Variants in INPP4B observed in about 807,000 individuals in gnomAD.
The protein encoded by INPP4B is inositol polyphosphate 4-phosphatase type II.
Under a neutral mutation model 122.5 loss-of-function variants are expected in INPP4B, and 55 were observed. The observed-to-expected ratio is 0.45, with a 90% CI of 0.36 to 0.56. The LOEUF (loss-of-function observed/expected upper bound fraction) is 0.56. INPP4B is among the 20% of genes least tolerant of loss of function. The pLI, the probability that INPP4B is intolerant of heterozygous loss-of-function variation, is 0.00. For synonymous variants in INPP4B, 403 were observed against 388.7 expected, an observed-to-expected ratio of 1.04 and a Z score of -0.43; for missense variants, 1,000 against 1,097.7, an observed-to-expected ratio of 0.91 and a Z score of 1.26.
At chr4:142,153,885 G>T (rs1447149094) in intron 17 of INPP4B, among the ~76,000 whole-genome samples, 3 of 152,142 alleles carry the variant, frequency 2.0e-5, no homozygotes, top group Non-Finnish European at 2.9e-5. Context: ...TTCACCTGGG[G>T]TTTCTTTTCT....
At chr4:142,247,332 C>A (rs2150129438) in intron 11 of INPP4B, among the ~76,000 whole-genome samples, 1 of 152,192 alleles carries the variant, frequency 6.6e-6, no homozygotes, top group South Asian at 2.1e-4. Flanking sequence ...GAGGAGTCCT[C>A]TTTTTCTATT....
intron 2 of INPP4B, among the ~76,000 whole-genome samples, chr4:142,716,388 G>A (rs903882855): frequency 2.0e-5 from 3 of 152,042 alleles, no homozygotes; most frequent in Non-Finnish European, 4.4e-5. Context: ...TGATACTATC[G>A]CATCTTTCTA....
At chr4:142,480,752 G>A (rs529016847) in intron 2 of INPP4B, among the ~76,000 whole-genome samples, 1 of 152,060 alleles carries the variant, frequency 6.6e-6, no homozygotes, top group Admixed American at 6.5e-5. Flanking sequence ...CTGAAGACAA[G>A]AGGATAATCA....
In INPP4B at chr4:142,086,012, T is replaced by A. The variant is rs918349591; in HGVS notation, c.2487+132A>T. Reference sequence around the variant, plus strand: ...AACTACCAACAAGAGTAAAAATGCCTAATCCATGGACTAATAGAAGATGAC... The same window carrying A: ...AACTACCAACAAGAGTAAAAATGCCAAATCCATGGACTAATAGAAGATGAC... On this transcript the variant is annotated intron_variant, in intron 24 of 25. Transcript: ENST00000262992. 1.2e-5 allele frequency: 8 copies of A among 665,416 alleles called. No homozygotes were observed. In the African/African-American group the frequency reaches 1.3e-4, roughly 11 times the overall value. The allele number at this position is 665,416 out of a possible 1,614,324, so 41.2% of individuals were successfully genotyped here. A position where few individuals can be genotyped will look rare whatever the true frequency, so the allele number is the denominator to read the frequency against.
At chr4:142,278,682 G>T (rs978852943) in intron 9 of INPP4B, among the ~76,000 whole-genome samples, 1 of 151,800 alleles carries the variant, frequency 6.6e-6, no homozygotes, top group African/African-American at 2.4e-5. Context: ...ATAAACCCAA[G>T]CTTACTGGTT....
Position 142,048,035 on chromosome 4 carries a change from A to C in INPP4B, c.2643-19121T>G, listed in dbSNP as rs188516079. Reference sequence around the variant, plus strand: ...GTATTAAGCACTGACTATTTCACAAATGCTGATCACCTCACCCCAGTGGTC... The same window carrying C: ...GTATTAAGCACTGACTATTTCACAACTGCTGATCACCTCACCCCAGTGGTC... On this transcript the variant is annotated intron_variant, in intron 25 of 25. Coordinates refer to ENST00000262992, the MANE Select transcript of INPP4B (RefSeq NM_001101669.3). Among the ~76,000 whole-genome samples, 337 of 152,222 alleles carry C rather than the reference A, an allele frequency of 2.2e-3. 3 individuals are homozygous for C. Among genetic ancestry groups the C allele is most frequent in the Non-Finnish European group, 3.4e-3 (233 of 67,984 alleles).
intron 11 of INPP4B, among the ~76,000 whole-genome samples, chr4:142,247,026 GC>G (rs1267333602): frequency 2.0e-5 from 3 of 152,198 alleles, no homozygotes; most frequent in African/African-American, 7.2e-5. Flanking sequence ...TTTGTCAAAG[GC>G]CTTCTCTGCA....
intron 7 of INPP4B, among the ~76,000 whole-genome samples, chr4:142,346,079 C>T (rs1561900276): frequency 6.6e-6 from 1 of 152,020 alleles, no homozygotes; most frequent in Non-Finnish European, 1.5e-5. Flanking sequence ...TAGAAAGGAA[C>T]ACACAGTGGT....
intron 25 of INPP4B, among the ~76,000 whole-genome samples, chr4:142,042,648 C>T (rs879780837): frequency 3.3e-5 from 5 of 152,060 alleles, no homozygotes; most frequent in African/African-American, 4.8e-5. Context: ...CTGCAACCTC[C>T]GCCTCCCGGG....
chr4:142,336,845 G>A (rs898351465), intron 7 of INPP4B, among the ~76,000 whole-genome samples: 3 of 152,214 alleles, frequency 2.0e-5, no homozygotes, highest in Non-Finnish European at 4.4e-5. Flanking sequence ...AGGATCCTGT[G>A]TCAACATTTC....
chr4:142,056,575 G>T (rs1578748019), intron 25 of INPP4B, among the ~76,000 whole-genome samples: 1 of 152,052 alleles, frequency 6.6e-6, no homozygotes. Flanking sequence ...AAAAAAGTCA[G>T]CCTCAAGGAC....
At chr4:142,414,897 G>T (rs1422039067) in intron 5 of INPP4B, among the ~76,000 whole-genome samples, 1 of 152,188 alleles carries the variant, frequency 6.6e-6, no homozygotes, top group African/African-American at 2.4e-5. Flanking sequence ...TTTTCAGTGG[G>T]AACATATGTG....
chr4:142,051,370 T>C (rs908915964), intron 25 of INPP4B, among the ~76,000 whole-genome samples: 3 of 152,010 alleles, frequency 2.0e-5, no homozygotes, highest in Non-Finnish European at 4.4e-5. Flanking sequence ...GAATACTAGA[T>C]GCTGGGTTAA....
intron 1 of INPP4B, among the ~76,000 whole-genome samples, chr4:142,734,666 A>G (rs1766570796): frequency 6.7e-6 from 1 of 150,150 alleles, no homozygotes; most frequent in South Asian, 2.1e-4. Flanking sequence ...TTGTTTTCAG[A>G]TGGAGTTTCA....
Position 142,193,092 on chromosome 4 carries a change from T to C in INPP4B, c.1176A>G (p.Arg392=), listed in dbSNP as rs766933901. Residue 392 remains arginine (R), a synonymous_variant, in exon 15 of 26, where the codon AGA becomes AGG. Coordinates refer to ENST00000262992, the MANE Select transcript of INPP4B (RefSeq NM_001101669.3). ...TTCCTCCTGTCTTTACTTACTTTCT[T>C]CTTTCTGTTTCAAATCTATGGAGTA... ...RKLLHRFETE[R]RNTGYQFIYY... The C allele has an allele frequency of 1.9e-6, 3 of 1,590,182 alleles. No individual in the cohort carries two copies. In the South Asian group the frequency reaches 3.3e-5, roughly 18 times the overall value.
intron 2 of INPP4B, among the ~76,000 whole-genome samples, chr4:142,699,846 T>C (rs1367615503): frequency 6.6e-6 from 1 of 152,176 alleles, no homozygotes; most frequent in African/African-American, 2.4e-5. Flanking sequence ...GTCAACTCTA[T>C]ATGCATTTGT....
At chr4:142,454,164 C>G (rs983335525) in intron 3 of INPP4B, among the ~76,000 whole-genome samples, 3 of 152,028 alleles carry the variant, frequency 2.0e-5, no homozygotes, top group African/African-American at 7.2e-5. Flanking sequence ...AGATCACTAG[C>G]TTTTAGGATT....
chr4:142,817,390 G>T (rs1780234106), intron 1 of INPP4B, among the ~76,000 whole-genome samples: 1 of 152,138 alleles, frequency 6.6e-6, no homozygotes, highest in Non-Finnish European at 1.5e-5. Flanking sequence ...GCCACTCAAA[G>T]CCTCTTCAGC....
At position 142,041,448 on chromosome 4, in the gene INPP4B, C is replaced by A. The variant is rs1338601949; in HGVS notation, c.2643-12534G>T. On this transcript the variant is annotated intron_variant, in intron 25 of 25. Coordinates refer to ENST00000262992, the MANE Select transcript of INPP4B (RefSeq NM_001101669.3). ...GCCTGACCAACCTGGTGAAACCCCGCCTCTACTAAAAATACAAAAATTAGC... is the reference window on the plus strand; with the variant it reads ...GCCTGACCAACCTGGTGAAACCCCGACTCTACTAAAAATACAAAAATTAGC... 2.0e-4 allele frequency among the ~76,000 whole-genome samples: 30 copies of A among 151,862 alleles called. 1 individual carries two copies. Among genetic ancestry groups the A allele is most frequent in the Admixed American group, 2.0e-3 (30 of 15,226 alleles).
Sources: allele counts gnomAD v4.1 joint callset (sites outside exome capture counted in the v4.1 genomes callset), GRCh38; gene constraint gnomAD v4.1.1; transcripts MANE v1.5; gene names NCBI Gene and HGNC (gene_info 2026-07-23, HGNC 2026-07-21).